Variants in ANKRD34C observed in about 807,000 individuals in gnomAD.
The protein encoded by ANKRD34C is ankyrin repeat domain 34C, also known as ankyrin repeat domain-containing protein 34C.
For synonymous variants in ANKRD34C, 260 were observed against 253.6 expected, an observed-to-expected ratio of 1.03 and a Z score of -0.24; for missense variants, 563 against 653.0, an observed-to-expected ratio of 0.86 and a Z score of 1.50.
rs2058667849 is a variant in ANKRD34C at position 79,294,566 on chromosome 15, A to C, written c.1282A>C (p.Ser428Arg). The C allele has an allele frequency of 6.4e-7, 1 of 1,551,708 alleles. No homozygotes were observed. Among genetic ancestry groups the C allele is most frequent in the Non-Finnish European group, 8.7e-7 (1 of 1,146,992 alleles). Reference sequence around the variant, plus strand: ...TCGGGAGTCCCTGGACACTGTACCTAGCACATCCCCCAGCTCAGCACGCCG... The same window carrying C: ...TCGGGAGTCCCTGGACACTGTACCTCGCACATCCCCCAGCTCAGCACGCCG... ...GSRESLDTVP[S>R]TSPSSARRRP... is the part of the protein sequence containing the mutation. Residue 428 changes from serine (S) to arginine (R), a missense_variant, in exon 2 of 2, where the codon AGC becomes CGC. Physicochemically the swap from Ser to Arg is moderately radical, Grantham distance 110. Coordinates refer to ENST00000421388, the MANE Select transcript of ANKRD34C (RefSeq NM_001146341.2).
At chr15:79,287,237 G>A (rs914085252) in intron 1 of ANKRD34C, among the ~76,000 whole-genome samples, 1 of 152,124 alleles carries the variant, frequency 6.6e-6, no homozygotes, top group Non-Finnish European at 1.5e-5. Context: ...ACAGCATATT[G>A]CCTGGGTGAT....
chr15:79,287,876 T>C (rs1241440449), intron 1 of ANKRD34C, among the ~76,000 whole-genome samples: 1 of 152,142 alleles, frequency 6.6e-6, no homozygotes, highest in Non-Finnish European at 1.5e-5. Flanking sequence ...ACATCCAGAG[T>C]TCTCTACAAA....
rs1012412006 is a variant in ANKRD34C at position 79,295,344 on chromosome 15, G to A, written c.*452G>A. On this transcript the variant is annotated 3_prime_UTR_variant, in exon 2 of 2. Coordinates refer to ENST00000421388, the MANE Select transcript of ANKRD34C (RefSeq NM_001146341.2). ...AAACCCTCAGTGACTAAATCTGGGTGTCTGGGTTCTATCTGATGGAGTAGA... is the reference window on the plus strand; with the variant it reads ...AAACCCTCAGTGACTAAATCTGGGTATCTGGGTTCTATCTGATGGAGTAGA... The A allele has an allele frequency of 5.8e-6, 1 of 173,504 alleles. No individual in the cohort carries two copies. Among genetic ancestry groups the A allele is most frequent in the Non-Finnish European group, 1.4e-5 (1 of 72,018 alleles). The allele number at this position is 173,504 out of a possible 1,614,324, so 10.7% of individuals were successfully genotyped here. A position where few individuals can be genotyped will look rare whatever the true frequency, so the allele number is the denominator to read the frequency against.
intron 1 of ANKRD34C, among the ~76,000 whole-genome samples, chr15:79,292,959 T>G (rs75385471): frequency 2.0e-5 from 3 of 152,250 alleles, no homozygotes; most frequent in African/African-American, 7.2e-5. Flanking sequence ...TTACTCTATG[T>G]TAGGCTTTAT....
At chr15:79,288,950 A>G (rs185631524) in intron 1 of ANKRD34C, among the ~76,000 whole-genome samples, 152 of 149,674 alleles carry the variant, frequency 1.0e-3, no homozygotes, top group Middle Eastern at 6.9e-3. Flanking sequence ...TCTTCCGAGT[A>G]GCTGGGACTG....
rs1248643799 is a variant in ANKRD34C, at chr15:79,294,195, G to A, written c.911G>A (p.Ser304Asn). ...CTCTCCAGAACCAACAGTATCGATA[G>A]CAAAGACCCCACCCTCTTTCACACA... ...GPLSRTNSID[S>N]KDPTLFHTVT... The change falls in exon 2 of 2, where the codon AGC (serine) becomes AAC (asparagine). Residue 304 changes from serine to asparagine, a missense_variant. Transcript: ENST00000421388. 1 of 1,551,568 alleles carries A rather than the reference G, an allele frequency of 6.4e-7. No homozygotes were observed. The highest frequency in any genetic ancestry group is 8.7e-7 in the Non-Finnish European group (1 of 1,146,950).
At chr15:79,288,820 T>A (rs2058652354) in intron 1 of ANKRD34C, among the ~76,000 whole-genome samples, 1 of 144,446 alleles carries the variant, frequency 6.9e-6, no homozygotes, top group Non-Finnish European at 1.5e-5. Flanking sequence ...TTCTTTTTTT[T>A]TTTTTTTTTT....
At chr15:79,288,168 G>A (rs1196900567) in intron 1 of ANKRD34C, among the ~76,000 whole-genome samples, 1 of 152,158 alleles carries the variant, frequency 6.6e-6, no homozygotes, top group Non-Finnish European at 1.5e-5. Flanking sequence ...GGCATTTCAT[G>A]GTTCATGGGA....
intron 1 of ANKRD34C, among the ~76,000 whole-genome samples, chr15:79,288,490 C>A (rs1341093789): frequency 6.6e-6 from 1 of 152,176 alleles, no homozygotes; most frequent in African/African-American, 2.4e-5. Flanking sequence ...AGGGTTAACT[C>A]CCTCATACTT....
chr15:79,291,601 CAGAGAGAGAGAG>C (rs138471761), intron 1 of ANKRD34C, among the ~76,000 whole-genome samples: 1,720 of 83,846 alleles, frequency 0.021, 25 homozygotes, highest in Middle Eastern at 0.041. Context: ...CACACACACA[CAGAGAGAGAGAG>C]AGAGAGAGAG....
chr15:79,289,158 G>A (rs1174603361), intron 1 of ANKRD34C, among the ~76,000 whole-genome samples: 1 of 152,152 alleles, frequency 6.6e-6, no homozygotes, highest in Non-Finnish European at 1.5e-5. Flanking sequence ...TACGATTATT[G>A]CAGCATGCTA....
rs1163532705 is a variant in ANKRD34C, at chr15:79,294,985, G to A, written c.*93G>A. On this transcript the variant is annotated 3_prime_UTR_variant, in exon 2 of 2. Transcript: ENST00000421388. ...GATCATTCCTTAATGTTGAACTGTG[G>A]CCACTTCAGAAGATATAAAAGCAGG... 2 of 1,318,124 alleles carry A rather than the reference G, an allele frequency of 1.5e-6. No homozygotes were observed. The highest frequency in any genetic ancestry group is 2.9e-5 in the Admixed American group (1 of 34,592). 81.7% of individuals were successfully genotyped at this position (1,318,124 alleles called of 1,614,324 possible). A position where few individuals can be genotyped will look rare whatever the true frequency, so the allele number is the denominator to read the frequency against.
At chr15:79,291,558 T>TCACACACACACACACA (rs138141895) in intron 1 of ANKRD34C, among the ~76,000 whole-genome samples, 23 of 51,022 alleles carry the variant, frequency 4.5e-4, no homozygotes, top group East Asian at 7.6e-4. Flanking sequence ...GAAAGACCAT[T>TCACACACACACACACA]CACACACACA....
chr15:79,285,072 T>G (rs1386110520), intron 1 of ANKRD34C, among the ~76,000 whole-genome samples: 1 of 152,218 alleles, frequency 6.6e-6, no homozygotes, highest in Non-Finnish European at 1.5e-5. Context: ...TTTAGAAGGC[T>G]CCACAAGATG....
rs569777179 is a variant in ANKRD34C at position 79,290,514 on chromosome 15, C to T, written c.-44-2727C>T. On this transcript the variant is annotated intron_variant, in intron 1 of 1. Transcript: ENST00000421388. ...TCCTCTAGGGGCTGGCTGGGGCTGG[C>T]TGGGGCTGGCTGGGCTGAGATTGTC... Among the ~76,000 whole-genome samples the T allele has an allele frequency of 8.7e-4, 132 of 152,196 alleles. 1 individual carries two copies. The highest frequency in any genetic ancestry group is 2.9e-3 in the African/African-American group (121 of 41,522).
chr15:79,291,332 G>A (rs1053050202), intron 1 of ANKRD34C, among the ~76,000 whole-genome samples: 1 of 152,250 alleles, frequency 6.6e-6, no homozygotes, highest in South Asian at 2.1e-4. Context: ...AGAGAGGTAG[G>A]CTGAGGCCAG....
At position 79,297,405 on chromosome 15, in the gene ANKRD34C, C is replaced by T. The variant is rs2058674832; in HGVS notation, c.*2513C>T. ...GAGCATTTTTTTTCTAAACCTTTAG[C>T]TAAGATTTGGAAACCCAATATTTCC... On this transcript the variant is annotated 3_prime_UTR_variant, in exon 2 of 2. Transcript: ENST00000421388. 1 of 167,022 alleles carries T rather than the reference C, an allele frequency of 6.0e-6. No individual in the cohort carries two copies. The highest frequency in any genetic ancestry group is 1.5e-5 in the Non-Finnish European group (1 of 68,108). 10.3% of individuals were successfully genotyped at this position (167,022 alleles called of 1,614,324 possible).
chr15:79,295,292 T>C lies in ANKRD34C; in HGVS notation c.*400T>C, dbSNP rs2058669571. 5.6e-6 allele frequency: 1 copy of C among 179,332 alleles called. No individual in the cohort carries two copies. Among genetic ancestry groups the C allele is most frequent in the African/African-American group, 2.4e-5 (1 of 41,536 alleles). The allele number at this position is 179,332 out of a possible 1,614,324, so 11.1% of individuals were successfully genotyped here. A position where few individuals can be genotyped will look rare whatever the true frequency, so the allele number is the denominator to read the frequency against. ...ACATAGAAAACGAGGCTTTAACATT[T>C]GTTAGAATGTACAAAAGCCCCAAAC... On this transcript the variant is annotated 3_prime_UTR_variant, in exon 2 of 2. Transcript: ENST00000421388.
At chr15:79,289,621 C>T (rs1013879709) in intron 1 of ANKRD34C, among the ~76,000 whole-genome samples, 9 of 152,212 alleles carry the variant, frequency 5.9e-5, no homozygotes, top group African/African-American at 2.2e-4. Flanking sequence ...ACGTGATTTG[C>T]ACTGCACACA....
Sources: gnomAD v4.1 joint callset for allele counts (sites outside exome capture counted in the v4.1 genomes callset) on GRCh38, gnomAD v4.1.1 for gene constraint, MANE v1.5 for transcripts, NCBI Gene and HGNC (gene_info 2026-07-23, HGNC 2026-07-21) for gene names.